The following PDE4B variants were observed in gnomAD, a reference collection of about 807,000 sequenced individuals.
PDE4B encodes the protein phosphodiesterase 4B, also known as 3',5'-cyclic-AMP phosphodiesterase 4B.
A neutral mutation model predicts 82.2 loss-of-function variants in PDE4B; 20 were observed. The observed-to-expected ratio is 0.24, with a 90% confidence interval of 0.17 to 0.35. The LOEUF is 0.35. PDE4B is among the 10% of genes least tolerant of loss of function. The probability of loss-of-function intolerance (pLI) is 1.00; values close to 1 mark genes in which losing one functional copy is unlikely to be tolerated. For missense variants in PDE4B, 655 were observed against 907.2 expected (o/e 0.72, Z 3.57); for synonymous variants, 320 against 318.9 (o/e 1.00, Z -0.04).
chr1:65,958,619 C>G lies in PDE4B; in HGVS notation c.281+39784C>G, dbSNP rs531556816. On this transcript the variant is annotated intron_variant, in intron 3 of 16. Transcript: ENST00000341517. Reference sequence around the variant, plus strand: ...GGGAAGATTTTTTAAAACTGTGATTCGTTTTTAACCTATTTAAAGCCTACT... The same window carrying G: ...GGGAAGATTTTTTAAAACTGTGATTGGTTTTTAACCTATTTAAAGCCTACT... 2.0e-5 allele frequency among the ~76,000 whole-genome samples: 3 copies of G among 152,040 alleles called. No individual in the cohort carries two copies. The South Asian group carries it at 6.2e-4, about 32-fold the overall frequency.
At chr1:66,336,161 C>T (rs1660497164) in intron 8 of PDE4B, among the ~76,000 whole-genome samples, 1 of 152,184 alleles carries the variant, frequency 6.6e-6, no homozygotes, top group South Asian at 2.1e-4. Flanking sequence ...CCAAAGCCAA[C>T]CAACGTCATT....
Position 66,203,864 on chromosome 1 carries a change from G to A in PDE4B, c.282-43596G>A, listed in dbSNP as rs12039339. Among the ~76,000 whole-genome samples the A allele has an allele frequency of 0.013, 1,980 of 152,192 alleles. 96 individuals are homozygous for A. In the East Asian group the frequency reaches 0.15, roughly 12 times the overall value. ...CTCTCAACTTGTCAAGTCATTCTCC[G>A]TCCAGCTTTGTTCCATTACTGGTGA... On this transcript the variant is annotated intron_variant, in intron 3 of 16. Coordinates refer to ENST00000341517, the MANE Select transcript of PDE4B (RefSeq NM_002600.4).
chr1:66,372,825 G>T lies in PDE4B; in HGVS notation c.*147G>T. The stretch of plus-strand genomic sequence containing the variant: ...ACTTGAGTTTGGAGTCAGAAAGCAA[G>T]ACCAGGAAGCAAATAGCAGCTCAGG... On this transcript the variant is annotated 3_prime_UTR_variant, in exon 17 of 17. Transcript: ENST00000341517. The T allele has an allele frequency of 2.7e-6, 2 of 732,210 alleles. No individual in the cohort carries two copies. Among genetic ancestry groups the T allele is most frequent in the Non-Finnish European group, 4.4e-6 (2 of 457,562 alleles). 45.4% of individuals were successfully genotyped at this position (732,210 alleles called of 1,614,324 possible).
chr1:65,907,831 G>T (rs1258255662), intron 1 of PDE4B, among the ~76,000 whole-genome samples: 1 of 152,084 alleles, frequency 6.6e-6, no homozygotes, highest in African/African-American at 2.4e-5. Context: ...CATCTAAAAG[G>T]AGATGAGTAG....
chr1:66,373,911 C>T lies in PDE4B; in HGVS notation c.*1233C>T, dbSNP rs2050873205. The T allele has an allele frequency of 1.3e-5, 2 of 152,708 alleles. No individual in the cohort carries two copies. The highest frequency in any genetic ancestry group is 4.1e-4 in the South Asian group (2 of 4,832). 9.5% of individuals were successfully genotyped at this position (152,708 alleles called of 1,614,324 possible). On this transcript the variant is annotated 3_prime_UTR_variant, in exon 17 of 17. Transcript: ENST00000341517. ...CCTGAGTTGCTACTTCTGCACAACC[C>T]CTTTATGAACCAGTTTTGGAAACAA...
intron 3 of PDE4B, among the ~76,000 whole-genome samples, chr1:66,180,625 A>T (rs1647043413): frequency 6.6e-6 from 1 of 152,158 alleles, no homozygotes; most frequent in African/African-American, 2.4e-5. Flanking sequence ...GAGGTGGAAT[A>T]CTCCAGGGTA....
Position 65,832,715 on chromosome 1 carries a change from T to G in PDE4B, c.-71+39467T>G, listed in dbSNP as rs144190174. ...GTCCTGGTAGGATAGAAGTCAACTTTGGAAATGGTGGAAAGGTATGTCTTC... is the reference window on the plus strand; with the variant it reads ...GTCCTGGTAGGATAGAAGTCAACTTGGGAAATGGTGGAAAGGTATGTCTTC... On this transcript the variant is annotated intron_variant, in intron 1 of 16. Coordinates refer to ENST00000341517, the MANE Select transcript of PDE4B (RefSeq NM_002600.4). Among the ~76,000 whole-genome samples, 504 of 152,306 alleles carry G rather than the reference T, an allele frequency of 3.3e-3. 6 individuals carry two copies. The highest frequency in any genetic ancestry group is 0.031 in the East Asian group (163 of 5,180).
At chr1:65,912,754 CT>C (rs370363054) in intron 1 of PDE4B, among the ~76,000 whole-genome samples, 2,455 of 151,130 alleles carry the variant, frequency 0.016, 53 homozygotes, top group African/African-American at 0.056. Flanking sequence ...CTTTTCTTCA[CT>C]TTTTTTTTGA....
intron 8 of PDE4B, among the ~76,000 whole-genome samples, chr1:66,346,270 A>C (rs1661387795): frequency 6.6e-6 from 1 of 152,230 alleles, no homozygotes; most frequent in Non-Finnish European, 1.5e-5. Context: ...AACTGTGAAA[A>C]TCTGAGCAAA....
intron 3 of PDE4B, among the ~76,000 whole-genome samples, chr1:66,086,435 C>A (rs1306972576): frequency 6.6e-6 from 1 of 152,072 alleles, no homozygotes; most frequent in East Asian, 1.9e-4. Flanking sequence ...CTGGCCAGGG[C>A]TGGGAATTTA....
chr1:66,106,592 A>G (rs978188610), intron 3 of PDE4B, among the ~76,000 whole-genome samples: 168 of 151,270 alleles, frequency 1.1e-3, no homozygotes, highest in Middle Eastern at 3.4e-3. Context: ...TTGGTAAGCT[A>G]TTGATTATTG....
chr1:65,810,462 C>G (rs1465952724), intron 1 of PDE4B, among the ~76,000 whole-genome samples: 1 of 152,144 alleles, frequency 6.6e-6, no homozygotes, highest in Admixed American at 6.5e-5. Flanking sequence ...ATAGCGAGGG[C>G]TGACTTGTTT....
At chr1:66,310,114 C>A (rs1199339221) in intron 7 of PDE4B, among the ~76,000 whole-genome samples, 1 of 152,176 alleles carries the variant, frequency 6.6e-6, no homozygotes, top group Non-Finnish European at 1.5e-5. Context: ...CTACTCTCCT[C>A]TTCTCTGCTC....
chr1:66,356,333 T>C (rs1662239944), intron 9 of PDE4B, among the ~76,000 whole-genome samples: 1 of 152,250 alleles, frequency 6.6e-6, no homozygotes, highest in Non-Finnish European at 1.5e-5. Context: ...GTCATGCGTG[T>C]TATTTGATTA....
At chr1:66,213,670 G>T (rs575718812) in intron 3 of PDE4B, among the ~76,000 whole-genome samples, 3 of 152,230 alleles carry the variant, frequency 2.0e-5, no homozygotes, top group East Asian at 3.9e-4. Context: ...TGGAGACCAC[G>T]TGTATGGCTG....
intron 1 of PDE4B, among the ~76,000 whole-genome samples, chr1:65,816,106 C>A (rs1468420022): frequency 6.6e-6 from 1 of 151,076 alleles, no homozygotes; most frequent in African/African-American, 2.4e-5. Context: ...GTCAAGTATT[C>A]TTTTCTGATC....
intron 3 of PDE4B, among the ~76,000 whole-genome samples, chr1:66,134,834 G>A (rs922792204): frequency 3.3e-5 from 5 of 152,164 alleles, no homozygotes; most frequent in African/African-American, 7.2e-5. Context: ...CTTTAGAGCC[G>A]TGTAGATAAA....
chr1:65,958,761 C>T (rs966313473), intron 3 of PDE4B, among the ~76,000 whole-genome samples: 14 of 149,328 alleles, frequency 9.4e-5, no homozygotes, highest in Admixed American at 4.6e-4. Flanking sequence ...CGCGCGCGCG[C>T]GCGCACACAC....
In PDE4B at chr1:66,135,608, G is replaced by A. The variant is rs528144503; in HGVS notation, c.282-111852G>A. Reference sequence around the variant, plus strand: ...ACAAGTTTAGGAGTGGATAAATTTAGTTTGGGGTGCTCAATTTGAGGGCTA... The same window carrying A: ...ACAAGTTTAGGAGTGGATAAATTTAATTTGGGGTGCTCAATTTGAGGGCTA... On this transcript the variant is annotated intron_variant, in intron 3 of 16. Transcript: ENST00000341517. 2.0e-5 allele frequency among the ~76,000 whole-genome samples: 3 copies of A among 152,300 alleles called. No homozygotes were observed. In the East Asian group the frequency reaches 5.8e-4, roughly 29 times the overall value.
Sources: allele counts gnomAD v4.1 joint callset (sites outside exome capture counted in the v4.1 genomes callset), GRCh38; gene constraint gnomAD v4.1.1; transcripts MANE v1.5; gene names NCBI Gene and HGNC (gene_info 2026-07-23, HGNC 2026-07-21).